Variants in SLC45A4 observed in about 807,000 individuals in gnomAD.
SLC45A4 encodes polyamine-transporter SLC45A4.
Under a neutral mutation model 63.7 loss-of-function variants are expected in SLC45A4, and 32 were observed. That is an observed-to-expected ratio of 0.50 (90% CI 0.38 to 0.67). The LOEUF is 0.67. SLC45A4 is among the 30% of genes least tolerant of loss of function. SLC45A4 has a pLI of 0.00. For missense variants in SLC45A4, 1,027 were observed against 1,157.7 expected (o/e 0.89, Z 1.64); for synonymous variants, 535 against 510.0 (o/e 1.05, Z -0.66).
chr8:141,280,717 C>A (rs56732624), intron 1 of SLC45A4, among the ~76,000 whole-genome samples: 1 of 152,182 alleles, frequency 6.6e-6, no homozygotes, highest in African/African-American at 2.4e-5. Flanking sequence ...TCGTGTAATG[C>A]GACAGCGTGC....
At chr8:141,231,580 T>C (rs1266819979) in intron 2 of SLC45A4, among the ~76,000 whole-genome samples, 1 of 152,198 alleles carries the variant, frequency 6.6e-6, no homozygotes, top group Admixed American at 6.5e-5. Context: ...CGGCTGGCAC[T>C]GCGGGACCCA....
chr8:141,238,570 T>C (rs71516610), intron 2 of SLC45A4, among the ~76,000 whole-genome samples: 19,940 of 152,114 alleles, frequency 0.13, 1,642 homozygotes, highest in East Asian at 0.28. Context: ...ACACAGCTTT[T>C]CACCGAGTCT....
intron 6 of SLC45A4, 120 bp from the exon 7 acceptor site, chr8:141,216,090 C>A: frequency 4.5e-6 from 4 of 896,848 alleles, no homozygotes; most frequent in Non-Finnish European, 5.1e-6. Context: ...TCCAGCTGAA[C>A]CCAGACCTGG....
intron 1 of SLC45A4, among the ~76,000 whole-genome samples, chr8:141,263,939 G>A (rs917283112): frequency 2.0e-5 from 3 of 152,158 alleles, no homozygotes; most frequent in African/African-American, 4.8e-5. Flanking sequence ...ATGGTGACCC[G>A]GCCCCAGCAC....
At position 141,212,222 on chromosome 8, in the gene SLC45A4, T is replaced by G; in HGVS notation, c.2276A>C (p.Gln759Pro). 1 of 1,396,120 alleles carries G rather than the reference T, an allele frequency of 7.2e-7. No homozygotes were observed. Among genetic ancestry groups the G allele is most frequent in the Non-Finnish European group, 9.5e-7 (1 of 1,051,104 alleles). 86.5% of individuals were successfully genotyped at this position (1,396,120 alleles called of 1,614,324 possible). A position where few individuals can be genotyped will look rare whatever the true frequency, so the allele number is the denominator to read the frequency against. Reference sequence around the variant, plus strand: ...CACGGACTCTGTCTCCACCGGTCCCTGCAGGCCCTCCTTCCGCGTGAGCTT... The same window carrying G: ...CACGGACTCTGTCTCCACCGGTCCCGGCAGGCCCTCCTTCCGCGTGAGCTT... Reference protein sequence around the residue: ...VLKLTRKEGLQGPVETESVTP... With the variant: ...VLKLTRKEGLPGPVETESVTP... The change falls in exon 8 of 9, where the codon CAG becomes CCG. Residue 759 changes from glutamine to proline, a missense_variant. Coordinates refer to ENST00000517878, the MANE Select transcript of SLC45A4 (RefSeq NM_001286646.2).
chr8:141,303,795 T>A (rs1830819012), intron 1 of SLC45A4, among the ~76,000 whole-genome samples: 1 of 152,182 alleles, frequency 6.6e-6, no homozygotes, highest in South Asian at 2.1e-4. Flanking sequence ...GCCAGCAAAA[T>A]CCTTCAACAG....
At chr8:141,223,297 C>T (rs10875467) in intron 2 of SLC45A4, among the ~76,000 whole-genome samples, 3 of 152,086 alleles carry the variant, frequency 2.0e-5, no homozygotes, top group East Asian at 1.9e-4. Flanking sequence ...AAGTATGTGA[C>T]GCGTGTCCGC....
intron 2 of SLC45A4, chr8:141,230,045 CGAT>C (rs1008790005): frequency 8.8e-6 from 4 of 455,942 alleles, no homozygotes; most frequent in African/African-American, 4.0e-5. Context: ...CACCATTACA[CGAT>C]GATAAGAAAG....
At chr8:141,268,746 C>T (rs1418906970) in intron 1 of SLC45A4, among the ~76,000 whole-genome samples, 5 of 152,204 alleles carry the variant, frequency 3.3e-5, no homozygotes, top group Admixed American at 1.3e-4. Context: ...AATTAAGGGG[C>T]ATCCATGCTG....
chr8:141,211,768 A>G (rs1825828523), intron 8 of SLC45A4, 71 bp from the exon 9 acceptor site: 2 of 1,452,880 alleles, frequency 1.4e-6, no homozygotes, highest in South Asian at 3.3e-5. Flanking sequence ...GCATTCAGAT[A>G]AGACTTAGCA....
At chr8:141,266,336 C>T (rs776341027) in intron 1 of SLC45A4, among the ~76,000 whole-genome samples, 4 of 152,188 alleles carry the variant, frequency 2.6e-5, no homozygotes, top group African/African-American at 4.8e-5. Flanking sequence ...CTCATGAGAA[C>T]GGCTGTGTGT....
intron 2 of SLC45A4, among the ~76,000 whole-genome samples, chr8:141,235,988 C>T (rs536731440): frequency 4.6e-5 from 7 of 152,204 alleles, no homozygotes; most frequent in Admixed American, 2.6e-4. Flanking sequence ...CCTGTAATCC[C>T]GGCTACTCAG....
rs61384705 is a variant in SLC45A4, at chr8:141,304,556, C to CA, written c.-401+3539dup. Among the ~76,000 whole-genome samples, 1,167 of 127,374 alleles carry CA rather than the reference C, an allele frequency of 9.2e-3. 17 individuals are homozygous for CA. The highest frequency in any genetic ancestry group is 0.034 in the African/African-American group (1,093 of 32,300). 83.6% of individuals were successfully genotyped at this position (127,374 alleles called of 152,430 possible). A position where few individuals can be genotyped will look rare whatever the true frequency, so the allele number is the denominator to read the frequency against. On this transcript the variant is annotated intron_variant, in intron 1 of 8. Coordinates refer to ENST00000517878, the MANE Select transcript of SLC45A4 (RefSeq NM_001286646.2). ...CCTGGGTGACAGAGTAAGACTGTCTCAAAAAAAAAAAAAAAAAGGGGGGGA... is the reference window on the plus strand; with the variant it reads ...CCTGGGTGACAGAGTAAGACTGTCTCAAAAAAAAAAAAAAAAAAGGGGGGGA...
intron 2 of SLC45A4, among the ~76,000 whole-genome samples, chr8:141,244,754 A>G (rs908193549): frequency 1.8e-4 from 27 of 152,056 alleles, no homozygotes; most frequent in Non-Finnish European, 2.9e-4. Context: ...AACATACTGA[A>G]TGTGACAGAC....
intron 1 of SLC45A4, among the ~76,000 whole-genome samples, chr8:141,285,381 C>T (rs1830100152): frequency 6.6e-6 from 1 of 152,254 alleles, no homozygotes; most frequent in African/African-American, 2.4e-5. Context: ...CCGTGTGCTC[C>T]CCAGTTACAC....
chr8:141,269,989 C>T (rs973770416), intron 1 of SLC45A4, among the ~76,000 whole-genome samples: 3 of 152,046 alleles, frequency 2.0e-5, no homozygotes, highest in African/African-American at 7.3e-5. Context: ...CCATATGGGG[C>T]GGCCTGGCCC....
At chr8:141,292,192 T>G (rs1049156164) in intron 1 of SLC45A4, among the ~76,000 whole-genome samples, 16 of 152,318 alleles carry the variant, frequency 1.1e-4, no homozygotes, top group Admixed American at 5.2e-4. Context: ...GGGCAGGTTC[T>G]CACAGGAGAA....
chr8:141,294,078 G>A (rs897555909), intron 1 of SLC45A4, among the ~76,000 whole-genome samples: 2 of 152,302 alleles, frequency 1.3e-5, no homozygotes, highest in Admixed American at 6.5e-5. Flanking sequence ...GAAGACCCTT[G>A]GGCACACCAC....
chr8:141,289,088 G>C (rs966676682), intron 1 of SLC45A4, among the ~76,000 whole-genome samples: 1 of 152,212 alleles, frequency 6.6e-6, no homozygotes, highest in Non-Finnish European at 1.5e-5. Context: ...CATGAAACCA[G>C]CCAGGTGCGC....
Sources: gnomAD v4.1 joint callset for allele counts (sites outside exome capture counted in the v4.1 genomes callset) on GRCh38, gnomAD v4.1.1 for gene constraint, MANE v1.5 for transcripts, NCBI Gene and HGNC (gene_info 2026-07-23, HGNC 2026-07-21) for gene names.